The following CASK variants were observed in gnomAD, a reference collection of about 807,000 sequenced individuals.
CASK encodes calcium/calmodulin dependent serine protein kinase.
A neutral mutation model predicts 82.9 loss-of-function variants in CASK; 4 were observed. The observed-to-expected ratio is 0.05, with a 90% CI of 0.02 to 0.11. The LOEUF is 0.11. Ranked by LOEUF, CASK falls within the 10% of genes least tolerant of loss-of-function variation. The probability of loss-of-function intolerance (pLI) is 1.00; values close to 1 mark genes in which losing one functional copy is unlikely to be tolerated. For missense variants in CASK, 358 were observed against 720.9 expected (o/e 0.50, Z 5.76); for synonymous variants, 259 against 253.5 (o/e 1.02, Z -0.20).
intron 3 of CASK, among the ~76,000 whole-genome samples, chrX:41,770,307 CCTACCTAT>C (rs1276819948): frequency 9.9e-6 from 1 of 100,871 alleles, no homozygotes; most frequent in Non-Finnish European, 2.0e-5. Context: ...TACCTACCTA[CCTACCTAT>C]CCATCCATCC....
At chrX:41,794,007 G>C (rs1191830223) in intron 2 of CASK, among the ~76,000 whole-genome samples, 1 of 112,160 alleles carries the variant, frequency 8.9e-6, no homozygotes, top group Non-Finnish European at 1.9e-5. Flanking sequence ...GTGAAGAGTA[G>C]AGGCCTAGAC....
At chrX:41,790,710 C>G (rs1395720478) in intron 2 of CASK, among the ~76,000 whole-genome samples, 1 of 111,936 alleles carries the variant, frequency 8.9e-6, no homozygotes, top group African/African-American at 3.2e-5. Context: ...GGGCAATGAT[C>G]TAGAAAAATT....
rs2069450173 is a variant in CASK, at chrX:41,780,380, C to T, written c.278+6798G>A. ...TGTGTTGGGACAATGATGATATAGC[C>T]TTTATGTTGTATTACCCCCATTTTA... On this transcript the variant is annotated intron_variant, in intron 3 of 26. Coordinates refer to ENST00000378163, the MANE Select transcript of CASK (RefSeq NM_001367721.1). Among the ~76,000 whole-genome samples, 3 of 111,681 alleles carry T rather than the reference C, an allele frequency of 2.7e-5. No homozygotes were observed. The South Asian group carries it at 1.1e-3, about 42-fold the overall frequency.
intron 22 of CASK, among the ~76,000 whole-genome samples, chrX:41,540,125 C>T (rs1027118576): frequency 3.6e-5 from 4 of 111,670 alleles, no homozygotes; most frequent in African/African-American, 1.3e-4. Flanking sequence ...TAGAACAACC[C>T]CTTAAGCATG....
chrX:41,594,558 C>T (rs1180695461), intron 12 of CASK, among the ~76,000 whole-genome samples: 1 of 111,737 alleles, frequency 8.9e-6, no homozygotes, highest in African/African-American at 3.3e-5. Flanking sequence ...CATTTGGGGT[C>T]CTAAGCAAAA....
intron 3 of CASK, among the ~76,000 whole-genome samples, chrX:41,778,573 A>G (rs919483824): frequency 8.9e-6 from 1 of 111,908 alleles, no homozygotes; most frequent in Non-Finnish European, 1.9e-5. Flanking sequence ...CTTCTTTTAA[A>G]TAACAGAAAA....
intron 15 of CASK, among the ~76,000 whole-genome samples, chrX:41,576,059 C>T (rs747467924): frequency 7.3e-5 from 8 of 109,312 alleles, no homozygotes; most frequent in Non-Finnish European, 1.3e-4. Context: ...ACTGCAACCT[C>T]CGCCTCCCGG....
chrX:41,576,190 G>C (rs1194685221), intron 15 of CASK, among the ~76,000 whole-genome samples: 5 of 109,773 alleles, frequency 4.6e-5, no homozygotes, highest in Non-Finnish European at 7.6e-5. Context: ...GGCCACGCTG[G>C]TCTCGAACTC....
chrX:41,706,698 C>T (rs1259147551), intron 5 of CASK, among the ~76,000 whole-genome samples: 1 of 111,772 alleles, frequency 8.9e-6, no homozygotes, highest in Non-Finnish European at 1.9e-5. Flanking sequence ...GTCACCTAGG[C>T]TGGAGTGCAG....
At chrX:41,775,821 T>C (rs770410757) in intron 3 of CASK, among the ~76,000 whole-genome samples, 12 of 87,070 alleles carry the variant, frequency 1.4e-4, no homozygotes, top group African/African-American at 4.4e-4. Flanking sequence ...CACTCACAGG[T>C]GGGAATTGAG....
At chrX:41,673,991 G>A (rs962880952) in intron 5 of CASK, among the ~76,000 whole-genome samples, 1 of 109,829 alleles carries the variant, frequency 9.1e-6, no homozygotes, top group African/African-American at 3.3e-5. Context: ...ATTTTTGTTT[G>A]GTGTTTTCTG....
chrX:41,766,793 AG>A (rs2069124389), intron 3 of CASK, among the ~76,000 whole-genome samples: 1 of 111,485 alleles, frequency 9.0e-6, no homozygotes, highest in African/African-American at 3.3e-5. Flanking sequence ...GGGCTGAGGC[AG>A]GAGGATGGCT....
intron 3 of CASK, among the ~76,000 whole-genome samples, chrX:41,775,415 G>A (rs906498056): frequency 9.3e-6 from 1 of 107,516 alleles, no homozygotes; most frequent in Non-Finnish European, 1.9e-5. Context: ...GGAGAAATAG[G>A]AACACTTTTA....
intron 1 of CASK, among the ~76,000 whole-genome samples, chrX:41,889,019 T>G (rs1372018319): frequency 9.1e-6 from 1 of 110,091 alleles, no homozygotes; most frequent in Non-Finnish European, 1.9e-5. Flanking sequence ...GTAGTGGGAC[T>G]GCTGGATCAA....
chrX:41,641,596 A>C (rs1384165119), intron 8 of CASK, among the ~76,000 whole-genome samples: 1 of 111,954 alleles, frequency 8.9e-6, no homozygotes, highest in East Asian at 2.8e-4. Context: ...AACAGTCATA[A>C]GACATTAACA....
chrX:41,864,437 A>G (rs2071551706), intron 1 of CASK, among the ~76,000 whole-genome samples: 1 of 111,733 alleles, frequency 8.9e-6, no homozygotes, highest in Non-Finnish European at 1.9e-5. Context: ...TTAGCAGTCC[A>G]GTCTTGTGGT....
chrX:41,789,128 GAGA>G (rs2069669021), intron 2 of CASK, among the ~76,000 whole-genome samples: 1 of 111,571 alleles, frequency 9.0e-6, no homozygotes, highest in Non-Finnish European at 1.9e-5. Flanking sequence ...GCGGGGTCAA[GAGA>G]AGGTTTTACT....
In CASK at chrX:41,823,361, G is replaced by A. The variant is rs76641130; in HGVS notation, c.172+29754C>T. ...CTTAGCTCTCTCTTCTGGCAAAAAA[G>A]GAAAAAAAAAAAAAGATACTGGAAT... On this transcript the variant is annotated intron_variant, in intron 2 of 26. Transcript: ENST00000378163. 7.0e-3 allele frequency among the ~76,000 whole-genome samples: 704 copies of A among 100,687 alleles called. 8 individuals are homozygous for A. Among genetic ancestry groups the A allele is most frequent in the African/African-American group, 0.027 (659 of 24,533 alleles). The allele number at this position is 100,687 out of a possible 115,157, so 87.4% of individuals were successfully genotyped here.
intron 5 of CASK, among the ~76,000 whole-genome samples, chrX:41,718,658 ATTT>A (rs909117257): frequency 8.1e-5 from 9 of 111,317 alleles, no homozygotes; most frequent in African/African-American, 2.9e-4. Flanking sequence ...TTTGTGTGTG[ATTT>A]TTTTTCTTTT....
Sources: gnomAD v4.1 joint callset for allele counts (sites outside exome capture counted in the v4.1 genomes callset) on GRCh38, gnomAD v4.1.1 for gene constraint, MANE v1.5 for transcripts, NCBI Gene and HGNC (gene_info 2026-07-23, HGNC 2026-07-21) for gene names.